Variants in NPSR1 observed in about 807,000 individuals in gnomAD.
NPSR1 encodes neuropeptide S receptor 1, also known as neuropeptide S receptor.
Under a neutral mutation model 46.9 loss-of-function variants are expected in NPSR1, and 48 were observed. The ratio of observed to expected loss-of-function variants is 1.02; its 90% CI spans 0.81 to 1.30. The LOEUF (loss-of-function observed/expected upper bound fraction) is 1.30. Among genes scored for constraint, NPSR1 ranks in the 50% most tolerant of loss-of-function variants. The probability of loss-of-function intolerance (pLI) is 0.00; values close to 1 mark genes in which losing one functional copy is unlikely to be tolerated. For synonymous variants in NPSR1, 176 were observed against 168.1 expected (o/e 1.05, Z -0.36); for missense variants, 450 against 449.5 (o/e 1.00, Z -0.01).
chr7:34,867,399 C>A (rs1279608455), intron 8 of NPSR1, among the ~76,000 whole-genome samples: 1 of 151,886 alleles, frequency 6.6e-6, no homozygotes, highest in Non-Finnish European at 1.5e-5. Context: ...ATTGCGCCTC[C>A]TGTTTCTATC....
chr7:34,792,689 G>GTATATATATATATTTATATATATATT (rs1489386225), intron 3 of NPSR1, among the ~76,000 whole-genome samples: 1 of 74,338 alleles, frequency 1.3e-5, no homozygotes, highest in Admixed American at 1.6e-4. Context: ...ATATATATAT[G>GTATATATATATATTTATATATATATT]TATATATATA....
chr7:34,746,139 C>T (rs1362335131), intron 2 of NPSR1, among the ~76,000 whole-genome samples: 1 of 152,134 alleles, frequency 6.6e-6, no homozygotes, highest in African/African-American at 2.4e-5. Context: ...ACCTCAATAC[C>T]AACCTTGGAA....
rs1785465422 is a variant in NPSR1 at position 34,750,526 on chromosome 7, G to A, written c.281-27936G>A. 4 of 699,938 alleles carry A rather than the reference G, an allele frequency of 5.7e-6. No individual in the cohort carries two copies. The East Asian group carries it at 1.1e-4, about 19-fold the overall frequency. 43.4% of individuals were successfully genotyped at this position (699,938 alleles called of 1,614,324 possible). A position where few individuals can be genotyped will look rare whatever the true frequency, so the allele number is the denominator to read the frequency against. ...GTTTCTTGGCTGTTGGGGCTCTCTG[G>A]CTACCTGCTTGGTTAATCTCAAGCT... On this transcript the variant is annotated intron_variant, in intron 2 of 8. Transcript: ENST00000360581.
intron 5 of NPSR1, among the ~76,000 whole-genome samples, chr7:34,831,206 T>C (rs1306462333): frequency 6.6e-6 from 1 of 152,104 alleles, no homozygotes; most frequent in African/African-American, 2.4e-5. Context: ...GAATATTAGA[T>C]TGAATGAATA....
At chr7:34,695,175 CA>C (rs1312855345) in intron 2 of NPSR1, among the ~76,000 whole-genome samples, 2 of 152,078 alleles carry the variant, frequency 1.3e-5, no homozygotes, top group African/African-American at 4.8e-5. Flanking sequence ...TACCTGCAAC[CA>C]ACCCATCTTT....
At chr7:34,865,691 C>T (rs1347529196) in intron 8 of NPSR1, among the ~76,000 whole-genome samples, 1 of 151,658 alleles carries the variant, frequency 6.6e-6, no homozygotes, top group Admixed American at 6.5e-5. Flanking sequence ...AGGTATAAGA[C>T]AGAGGGGCAC....
At chr7:34,790,502 T>C (rs1787683242) in intron 3 of NPSR1, among the ~76,000 whole-genome samples, 1 of 151,402 alleles carries the variant, frequency 6.6e-6, no homozygotes, top group African/African-American at 2.4e-5. Context: ...TTCAACATAG[T>C]ACTGGAAGTT....
chr7:34,808,789 G>A (rs1276414054), intron 3 of NPSR1, among the ~76,000 whole-genome samples: 1 of 152,096 alleles, frequency 6.6e-6, no homozygotes. Context: ...CTCTGAACAT[G>A]TTGTTATAGT....
At chr7:34,721,164 C>A (rs1783838528) in intron 2 of NPSR1, among the ~76,000 whole-genome samples, 1 of 152,146 alleles carries the variant, frequency 6.6e-6, no homozygotes, top group Non-Finnish European at 1.5e-5. Context: ...AGGAGCAATG[C>A]TTGAGGCAAT....
intron 3 of NPSR1, among the ~76,000 whole-genome samples, chr7:34,783,192 A>C (rs1787310153): frequency 6.6e-6 from 1 of 152,180 alleles, no homozygotes; most frequent in South Asian, 2.1e-4. Flanking sequence ...ATACTGCTAT[A>C]AGAATGTATT....
chr7:34,688,845 T>C (rs968793381), intron 2 of NPSR1, among the ~76,000 whole-genome samples: 3 of 152,204 alleles, frequency 2.0e-5, no homozygotes, highest in Non-Finnish European at 4.4e-5. Context: ...AAGCATGACC[T>C]GCCCCTCCGT....
chr7:34,864,439 T>C (rs1430948675), intron 8 of NPSR1, among the ~76,000 whole-genome samples: 1 of 151,618 alleles, frequency 6.6e-6, no homozygotes, highest in Non-Finnish European at 1.5e-5. Flanking sequence ...GTTCCAAATT[T>C]GAATATAAAC....
intron 2 of NPSR1, among the ~76,000 whole-genome samples, chr7:34,775,165 G>C (rs1382631114): frequency 1.3e-5 from 2 of 152,162 alleles, no homozygotes; most frequent in Non-Finnish European, 2.9e-5. Context: ...ATGGATCAAT[G>C]TGATATTCTA....
At chr7:34,780,154 C>T (rs185075967) in intron 3 of NPSR1, among the ~76,000 whole-genome samples, 2 of 152,308 alleles carry the variant, frequency 1.3e-5, no homozygotes, top group East Asian at 3.9e-4. Context: ...AAAGGTCATA[C>T]ACCATCACTT....
At chr7:34,707,575 G>A (rs544326835) in intron 2 of NPSR1, among the ~76,000 whole-genome samples, 2 of 152,298 alleles carry the variant, frequency 1.3e-5, no homozygotes, top group Admixed American at 6.5e-5. Flanking sequence ...TTACTATGGC[G>A]AGGCATGGTT....
intron 2 of NPSR1, among the ~76,000 whole-genome samples, chr7:34,729,380 G>T (rs1411801973): frequency 6.6e-6 from 1 of 152,024 alleles, no homozygotes; most frequent in Non-Finnish European, 1.5e-5. Context: ...TGAAAAAATT[G>T]ACCCCCTCTG....
chr7:34,659,004 A>G (rs138677457), intron 1 of NPSR1, among the ~76,000 whole-genome samples: 6 of 152,344 alleles, frequency 3.9e-5, no homozygotes, highest in African/African-American at 1.2e-4. Context: ...AACATTGAAT[A>G]AGGCAGGAAG....
chr7:34,869,691 T>C (rs6978797), intron 8 of NPSR1, among the ~76,000 whole-genome samples: 61,329 of 151,550 alleles, frequency 0.4, 14,499 homozygotes, highest in African/African-American at 0.63. Context: ...GTGCCAACTC[T>C]ATCCCAGACT....
chr7:34,680,944 T>G (rs1229873489), intron 1 of NPSR1, among the ~76,000 whole-genome samples: 1 of 151,910 alleles, frequency 6.6e-6, no homozygotes, highest in Non-Finnish European at 1.5e-5. Context: ...ATAAAGGTTT[T>G]TTTTTTTTTT....
Sources: gnomAD v4.1 joint callset for allele counts (sites outside exome capture counted in the v4.1 genomes callset) on GRCh38, gnomAD v4.1.1 for gene constraint, MANE v1.5 for transcripts, NCBI Gene and HGNC (gene_info 2026-07-23, HGNC 2026-07-21) for gene names.